Variants in RBFOX1 observed in about 807,000 individuals in gnomAD.
RBFOX1 encodes the protein RNA binding fox-1 homolog 1, also known as RNA binding protein fox-1 homolog 1.
A neutral mutation model predicts 57.7 loss-of-function variants in RBFOX1; 8 were observed. That is an observed-to-expected ratio of 0.14 (90% CI 0.08 to 0.25). The LOEUF is 0.25. RBFOX1 is among the 10% of genes least tolerant of loss of function. RBFOX1 has a pLI of 1.00. For missense variants in RBFOX1, 611 were observed against 548.5 expected (o/e 1.11, Z -1.14); for synonymous variants, 326 against 222.4 (o/e 1.47, Z -4.15).
intron 3 of RBFOX1, among the ~76,000 whole-genome samples, chr16:6,844,466 G>C (rs546160753): frequency 2.0e-5 from 3 of 152,030 alleles, no homozygotes; most frequent in African/African-American, 2.4e-5. Flanking sequence ...CTGTTCCTGC[G>C]TTAGTTATCT....
chr16:7,075,718 C>G (rs1413256561), intron 4 of RBFOX1, among the ~76,000 whole-genome samples: 3 of 152,052 alleles, frequency 2.0e-5, no homozygotes, highest in East Asian at 1.9e-4. Flanking sequence ...GTAGCTGGGA[C>G]TACAGGTGCC....
chr16:6,142,306 C>G (rs1282786052), intron 1 of RBFOX1, among the ~76,000 whole-genome samples: 1 of 149,530 alleles, frequency 6.7e-6, no homozygotes, highest in Non-Finnish European at 1.5e-5. Flanking sequence ...ACTGCAAGCT[C>G]CACCTCCTGA....
At chr16:5,901,847 C>G (rs1354870260) in intron 4 of RBFOX1, among the ~76,000 whole-genome samples, 3 of 152,188 alleles carry the variant, frequency 2.0e-5, no homozygotes, top group Non-Finnish European at 4.4e-5. Context: ...CATTTCGTCT[C>G]TGCTGAAAAT....
intron 4 of RBFOX1, among the ~76,000 whole-genome samples, chr16:7,207,661 A>G (rs1447457094): frequency 6.6e-6 from 1 of 152,222 alleles, no homozygotes; most frequent in Admixed American, 6.5e-5. Context: ...GATGGAGCGG[A>G]AGAAATGTTT....
chr16:5,872,196 T>G (rs1421786592), intron 4 of RBFOX1, among the ~76,000 whole-genome samples: 1 of 152,218 alleles, frequency 6.6e-6, no homozygotes, highest in Non-Finnish European at 1.5e-5. Flanking sequence ...CTAGCCATCC[T>G]GTGTCATTTG....
At chr16:7,170,448 T>C (rs1245865441) in intron 4 of RBFOX1, among the ~76,000 whole-genome samples, 1 of 146,860 alleles carries the variant, frequency 6.8e-6, no homozygotes, top group African/African-American at 2.5e-5. Context: ...ATTAAAATTC[T>C]TTTTTTTTTC....
rs561388257 is a variant in RBFOX1, at chr16:5,632,837, C to A, written c.318+33876C>A. On this transcript the variant is annotated intron_variant, in intron 3 of 19. Coordinates refer to the RBFOX1 transcript ENST00000641259. Reference sequence around the variant, plus strand: ...TCTTCCATATAAGCTGGGAGAACTGCAGCACACAGAATTTCCGTAACTTTC... The same window carrying A: ...TCTTCCATATAAGCTGGGAGAACTGAAGCACACAGAATTTCCGTAACTTTC... Among the ~76,000 whole-genome samples, 4 of 152,188 alleles carry A rather than the reference C, an allele frequency of 2.6e-5. No individual in the cohort carries two copies. The South Asian group carries it at 8.3e-4, about 32-fold the overall frequency.
At chr16:6,682,512 G>C (rs1463467488) in intron 3 of RBFOX1, among the ~76,000 whole-genome samples, 4 of 152,152 alleles carry the variant, frequency 2.6e-5, no homozygotes, top group African/African-American at 7.2e-5. Flanking sequence ...GTAGAAAAGG[G>C]TTTCTCAATC....
chr16:5,272,634 C>G (rs189546755), intron 1 of RBFOX1, among the ~76,000 whole-genome samples: 1 of 152,184 alleles, frequency 6.6e-6, no homozygotes, highest in Non-Finnish European at 1.5e-5. Context: ...ACACTTACAG[C>G]AAGAATTAAT....
chr16:7,682,873 C>T (rs1302685420), intron 14 of RBFOX1, among the ~76,000 whole-genome samples: 4 of 148,212 alleles, frequency 2.7e-5, no homozygotes, highest in Non-Finnish European at 6.0e-5. Flanking sequence ...TTCAGACTCT[C>T]CTTAGGAAGA....
chr16:6,591,415 C>T (rs555825688), intron 2 of RBFOX1, among the ~76,000 whole-genome samples: 51 of 152,298 alleles, frequency 3.3e-4, no homozygotes, highest in African/African-American at 1.2e-3. Context: ...GATTGTACTA[C>T]TGCACTCCAG....
intron 4 of RBFOX1, among the ~76,000 whole-genome samples, chr16:7,502,312 G>C (rs906961891): frequency 6.6e-6 from 1 of 152,190 alleles, no homozygotes; most frequent in African/African-American, 2.4e-5. Flanking sequence ...ACATGGACAA[G>C]CACCTGCCCT....
chr16:6,387,205 C>G (rs924841545), intron 2 of RBFOX1, among the ~76,000 whole-genome samples: 2 of 152,182 alleles, frequency 1.3e-5, no homozygotes, highest in African/African-American at 4.8e-5. Flanking sequence ...AGTTCAACCA[C>G]TGGCTTTCAC....
chr16:5,876,244 C>T (rs950674865), intron 4 of RBFOX1, among the ~76,000 whole-genome samples: 2 of 152,154 alleles, frequency 1.3e-5, no homozygotes, highest in African/African-American at 4.8e-5. Flanking sequence ...CTGTGCCAGC[C>T]AGGCCACTCT....
intron 4 of RBFOX1, among the ~76,000 whole-genome samples, chr16:6,004,348 G>A (rs2060656086): frequency 6.6e-6 from 1 of 152,156 alleles, no homozygotes; most frequent in Non-Finnish European, 1.5e-5. Flanking sequence ...GCAAAATGGA[G>A]ATAATATTTT....
At position 7,520,550 on chromosome 16, in the gene RBFOX1, A is replaced by G. The variant is rs139673132; in HGVS notation, c.270+2161A>G. Among the ~76,000 whole-genome samples the G allele has an allele frequency of 3.3e-5, 5 of 152,316 alleles. No individual in the cohort carries two copies. In the East Asian group the frequency reaches 9.7e-4, roughly 29 times the overall value. ...TCATGTGGAGTACCCCACTGTATGG[A>G]TAGACCGTGTTTATTTATTCATTAG... is the stretch of plus-strand genomic sequence containing the variant. On this transcript the variant is annotated intron_variant, in intron 5 of 15. Coordinates refer to ENST00000550418, the MANE Select transcript of RBFOX1 (RefSeq NM_018723.4).
At chr16:5,841,877 C>G (rs941723310) in intron 3 of RBFOX1, among the ~76,000 whole-genome samples, 1 of 152,228 alleles carries the variant, frequency 6.6e-6, no homozygotes, top group Admixed American at 6.5e-5. Flanking sequence ...CATTCCTGGG[C>G]TGCCTCTCCT....
chr16:6,923,007 A>G (rs2074816197), intron 3 of RBFOX1, among the ~76,000 whole-genome samples: 2 of 152,218 alleles, frequency 1.3e-5, no homozygotes, highest in African/African-American at 4.8e-5. Context: ...TTATAAATCT[A>G]TAGGCAGTGT....
intron 5 of RBFOX1, among the ~76,000 whole-genome samples, chr16:7,522,443 C>T (rs771374890): frequency 1.2e-4 from 19 of 152,096 alleles, no homozygotes; most frequent in Non-Finnish European, 2.8e-4. Context: ...ATTGAAGTGA[C>T]AGTTTGGATG....
Sources: gnomAD v4.1 joint callset for allele counts (sites outside exome capture counted in the v4.1 genomes callset) on GRCh38, gnomAD v4.1.1 for gene constraint, MANE v1.5 for transcripts, NCBI Gene and HGNC (gene_info 2026-07-23, HGNC 2026-07-21) for gene names.